Variants in BTBD9 observed in about 807,000 individuals in gnomAD.
BTBD9 encodes the protein BTB/POZ domain-containing protein 9.
Under a neutral mutation model 64.3 loss-of-function variants are expected in BTBD9, and 49 were observed. That is an observed-to-expected ratio of 0.76 (90% CI 0.61 to 0.97). The LOEUF is 0.97. Ranked by LOEUF, BTBD9 falls within the 50% of genes least tolerant of loss-of-function variation. The pLI is 0.00. For missense variants in BTBD9, 598 were observed against 762.1 expected (o/e 0.78, Z 2.53); for synonymous variants, 260 against 274.7 (o/e 0.95, Z 0.53).
intron 6 of BTBD9, among the ~76,000 whole-genome samples, chr6:38,528,088 A>G (rs1318094550): frequency 1.3e-5 from 2 of 152,132 alleles, no homozygotes; most frequent in Non-Finnish European, 2.9e-5. Flanking sequence ...GCCATGTGGC[A>G]CAAAGAGAGA....
intron 6 of BTBD9, among the ~76,000 whole-genome samples, chr6:38,495,154 T>C (rs1353838916): frequency 1.3e-5 from 2 of 152,238 alleles, no homozygotes; most frequent in African/African-American, 4.8e-5. Flanking sequence ...GGCTGTGGCC[T>C]TGCATCTTGT....
chr6:38,234,358 T>C (rs1174323051), intron 9 of BTBD9, among the ~76,000 whole-genome samples: 3 of 152,198 alleles, frequency 2.0e-5, no homozygotes, highest in African/African-American at 4.8e-5. Context: ...TGCAGCTGCT[T>C]GGGCCCAGGT....
At chr6:38,286,809 C>T (rs1020059227) in intron 8 of BTBD9, among the ~76,000 whole-genome samples, 2 of 152,030 alleles carry the variant, frequency 1.3e-5, no homozygotes, top group Non-Finnish European at 2.9e-5. Flanking sequence ...TGGCTGGGCG[C>T]CATGGCTCAT....
chr6:38,185,499 G>C (rs536907340), intron 10 of BTBD9, among the ~76,000 whole-genome samples: 184 of 152,312 alleles, frequency 1.2e-3, no homozygotes, highest in African/African-American at 4.0e-3. Flanking sequence ...GTTACAGCCA[G>C]ACTGCCTGGA....
intron 6 of BTBD9, among the ~76,000 whole-genome samples, chr6:38,379,727 A>C (rs1217798137): frequency 1.3e-5 from 2 of 152,250 alleles, no homozygotes; most frequent in Non-Finnish European, 2.9e-5. Context: ...AAAACAATCA[A>C]ACAAGAAGGG....
At chr6:38,530,262 C>G (rs1448489184) in intron 6 of BTBD9, among the ~76,000 whole-genome samples, 1 of 150,642 alleles carries the variant, frequency 6.6e-6, no homozygotes, top group African/African-American at 2.4e-5. Flanking sequence ...ATACATGCAC[C>G]GCTGAACATA....
At chr6:38,561,063 G>A (rs957191506) in intron 6 of BTBD9, among the ~76,000 whole-genome samples, 4 of 152,002 alleles carry the variant, frequency 2.6e-5, no homozygotes, top group African/African-American at 9.7e-5. Flanking sequence ...ATGTCTTTGT[G>A]GTAAAACAAT....
rs1762727467 is a variant in BTBD9, at chr6:38,308,924, A to G, written c.1265-20463T>C. On this transcript the variant is annotated intron_variant, in intron 7 of 10. Coordinates refer to ENST00000481247, the MANE Select transcript of BTBD9 (RefSeq NM_001099272.2). Reference sequence around the variant, plus strand: ...AGGCCTGAGCCACTGCGCCTGGGCCAACAGAGTTATTTTTGTACCACACTA... The same window carrying G: ...AGGCCTGAGCCACTGCGCCTGGGCCGACAGAGTTATTTTTGTACCACACTA... 3.3e-5 allele frequency among the ~76,000 whole-genome samples: 5 copies of G among 150,228 alleles called. No individual in the cohort carries two copies. The South Asian group carries it at 1.1e-3, about 33-fold the overall frequency.
At chr6:38,401,185 A>G (rs1766911235) in intron 6 of BTBD9, among the ~76,000 whole-genome samples, 1 of 152,194 alleles carries the variant, frequency 6.6e-6, no homozygotes, top group Non-Finnish European at 1.5e-5. Flanking sequence ...CTGTTTCCCC[A>G]TGCTGTTCTC....
At chr6:38,444,099 T>C (rs1769163919) in intron 6 of BTBD9, among the ~76,000 whole-genome samples, 1 of 152,202 alleles carries the variant, frequency 6.6e-6, no homozygotes, top group South Asian at 2.1e-4. Context: ...CCATACCTTT[T>C]TGCCTTTCCT....
intron 6 of BTBD9, among the ~76,000 whole-genome samples, chr6:38,428,715 CTT>C (rs1168857802): frequency 2.0e-4 from 27 of 138,114 alleles, no homozygotes; most frequent in Non-Finnish European, 1.4e-4. Flanking sequence ...TTCGTTTTTT[CTT>C]TTTTTTTTTT....
intron 1 of BTBD9, among the ~76,000 whole-genome samples, chr6:38,601,742 CAAAG>C (rs960162628): frequency 2.6e-5 from 4 of 151,526 alleles, no homozygotes; most frequent in Admixed American, 2.6e-4. Context: ...GATTAGGAAA[CAAAG>C]AGGCAAAAAA....
intron 7 of BTBD9, among the ~76,000 whole-genome samples, chr6:38,318,288 G>A (rs573413649): frequency 3.3e-5 from 5 of 152,318 alleles, no homozygotes; most frequent in African/African-American, 1.2e-4. Context: ...GTCTGGTGAG[G>A]TTGTTTTCCT....
intron 8 of BTBD9, among the ~76,000 whole-genome samples, chr6:38,267,288 A>G (rs1389117927): frequency 1.3e-5 from 2 of 152,218 alleles, no homozygotes; most frequent in African/African-American, 2.4e-5. Context: ...TCTGTCCTCA[A>G]TTCTATGAAA....
intron 1 of BTBD9, among the ~76,000 whole-genome samples, chr6:38,610,260 G>A (rs1777567978): frequency 6.6e-6 from 1 of 152,146 alleles, no homozygotes. Flanking sequence ...GTTTTACTTG[G>A]CAAACAGGAA....
At chr6:38,518,147 A>G (rs1202185635) in intron 6 of BTBD9, among the ~76,000 whole-genome samples, 2 of 152,222 alleles carry the variant, frequency 1.3e-5, no homozygotes, top group Non-Finnish European at 2.9e-5. Context: ...ATAATTACAT[A>G]TAGAATTTCT....
chr6:38,601,322 A>G (rs1777231507), intron 1 of BTBD9, among the ~76,000 whole-genome samples: 1 of 152,234 alleles, frequency 6.6e-6, no homozygotes, highest in Non-Finnish European at 1.5e-5. Flanking sequence ...AAAGTTACCA[A>G]TGGCACAGCT....
chr6:38,460,483 T>G (rs2127351270), intron 6 of BTBD9, among the ~76,000 whole-genome samples: 1 of 152,364 alleles, frequency 6.6e-6, no homozygotes, highest in South Asian at 2.1e-4. Flanking sequence ...TGGTGTAATA[T>G]AAGAACAATA....
intron 7 of BTBD9, among the ~76,000 whole-genome samples, chr6:38,303,860 TATATATATATATATAC>T (rs201465495): frequency 0.024 from 2,961 of 124,896 alleles, 126 homozygotes; most frequent in African/African-American, 0.084. Flanking sequence ...TATATATATA[TATATATATATATATAC>T]ACACACACAC....
Sources: allele counts gnomAD v4.1 joint callset (sites outside exome capture counted in the v4.1 genomes callset), GRCh38; gene constraint gnomAD v4.1.1; transcripts MANE v1.5; gene names NCBI Gene and HGNC (gene_info 2026-07-23, HGNC 2026-07-21).